Variants in GTF3C5 observed in about 807,000 individuals in gnomAD.
The protein encoded by GTF3C5 is general transcription factor IIIC subunit 5.
A neutral mutation model predicts 61.0 loss-of-function variants in GTF3C5; 47 were observed. The observed-to-expected ratio is 0.77, with a 90% CI of 0.61 to 0.98. The LOEUF (loss-of-function observed/expected upper bound fraction) is 0.98. GTF3C5 is among the 50% of genes least tolerant of loss of function. The pLI is 0.00. For missense variants in GTF3C5, 659 were observed against 703.3 expected, an observed-to-expected ratio of 0.94 and a Z score of 0.71; for synonymous variants, 295 against 275.4, an observed-to-expected ratio of 1.07 and a Z score of -0.71.
Position 133,055,543 on chromosome 9 carries a change from T to C in GTF3C5, c.1168-469T>C, listed in dbSNP as rs867576148. The C allele has an allele frequency of 3.6e-5, 35 of 985,278 alleles. No individual in the cohort carries two copies. In the South Asian group the frequency reaches 1.4e-3, roughly 38 times the overall value. 61.0% of individuals were successfully genotyped at this position (985,278 alleles called of 1,614,324 possible). On this transcript the variant is annotated intron_variant, in intron 8 of 10. Coordinates refer to ENST00000372097, the MANE Select transcript of GTF3C5 (RefSeq NM_012087.4). ...TCCTAGGAGGCCGTTATCCTTACTC[T>C]AGAACTACATGGCTGGGTACGGAAA...
At chr9:133,036,763 A>G (rs968369730) in intron 1 of GTF3C5, among the ~76,000 whole-genome samples, 6 of 152,148 alleles carry the variant, frequency 3.9e-5, no homozygotes, top group African/African-American at 1.4e-4. Context: ...GCAATATCCA[A>G]CCAATCCTAG....
chr9:133,042,923 T>C (rs1164929998), intron 2 of GTF3C5, among the ~76,000 whole-genome samples: 1 of 152,220 alleles, frequency 6.6e-6, no homozygotes, highest in Non-Finnish European at 1.5e-5. Flanking sequence ...CTACAGAGCC[T>C]GCGTTCCTTA....
chr9:133,044,158 A>AG (rs776458395), intron 3 of GTF3C5: 1 of 528,004 alleles, frequency 1.9e-6, no homozygotes, highest in East Asian at 3.2e-5. Flanking sequence ...AAAAAAAAAA[A>AG]AAAAAAAAAA....
intron 3 of GTF3C5, among the ~76,000 whole-genome samples, chr9:133,049,730 C>A (rs1351227139): frequency 6.6e-6 from 1 of 152,172 alleles, no homozygotes; most frequent in African/African-American, 2.4e-5. Context: ...TGCCAACATA[C>A]AGAGGTAGTT....
upstream of GTF3C5, chr9:133,030,728 C>T (rs1317877441): frequency 3.6e-6 from 2 of 549,878 alleles, no homozygotes; most frequent in African/African-American, 1.9e-5. Flanking sequence ...CCTCCGGGTC[C>T]CTCGCTGGCT....
chr9:133,034,923 C>T (rs1409108006), intron 1 of GTF3C5, among the ~76,000 whole-genome samples: 1 of 152,132 alleles, frequency 6.6e-6, no homozygotes, highest in Non-Finnish European at 1.5e-5. Context: ...AACATCTTTC[C>T]AAGGGGCAGT....
intron 3 of GTF3C5, among the ~76,000 whole-genome samples, chr9:133,046,529 G>A (rs973814139): frequency 2.0e-5 from 3 of 152,190 alleles, no homozygotes; most frequent in Non-Finnish European, 2.9e-5. Flanking sequence ...CTTTGAAGGG[G>A]TGGGAGGGCT....
chr9:133,031,078 C>T lies in GTF3C5; in HGVS notation c.67C>T (p.Arg23Cys). ...AVPVELRRER[R>C]MVCVEYPGVV... is the part of the protein sequence containing the mutation. ...CCCCGTGGAGCTGAGGCGGGAGCGA[C>T]GCATGGTGTGCGTGGAGTACCCGGG... is the stretch of plus-strand genomic sequence containing the variant. The change falls in exon 1 of 11, where the codon CGC (arginine) becomes TGC (cysteine). Residue 23 changes from arginine to cysteine, a missense_variant. Physicochemically the swap from Arg to Cys is radical, Grantham distance 180. Coordinates refer to ENST00000372097, the MANE Select transcript of GTF3C5 (RefSeq NM_012087.4). The T allele has an allele frequency of 6.2e-7, 1 of 1,610,334 alleles. No homozygotes were observed. The highest frequency in any genetic ancestry group is 8.5e-7 in the Non-Finnish European group (1 of 1,178,142).
At chr9:133,046,840 C>G (rs956957128) in intron 3 of GTF3C5, among the ~76,000 whole-genome samples, 6 of 152,090 alleles carry the variant, frequency 3.9e-5, no homozygotes, top group Non-Finnish European at 8.8e-5. Context: ...ACTTTCCAGA[C>G]CAGGGGATTG....
In GTF3C5 at chr9:133,054,011, T is replaced by C. The variant is rs1829840301; in HGVS notation, c.988+69T>C. ...TATCTTTCAGTTTCTAGCATTCTCTTTTGTAGTAAGAATCTTTTCATTTGG... is the reference window on the plus strand; with the variant it reads ...TATCTTTCAGTTTCTAGCATTCTCTCTTGTAGTAAGAATCTTTTCATTTGG... On this transcript the variant is annotated intron_variant, in intron 6 of 10. Coordinates refer to ENST00000372097, the MANE Select transcript of GTF3C5 (RefSeq NM_012087.4). The C allele has an allele frequency of 5.0e-6, 5 of 990,214 alleles. No individual in the cohort carries two copies. In the East Asian group the frequency reaches 1.2e-4, roughly 24 times the overall value. The allele number at this position is 990,214 out of a possible 1,614,324, so 61.3% of individuals were successfully genotyped here. A position where few individuals can be genotyped will look rare whatever the true frequency, so the allele number is the denominator to read the frequency against.
rs760223985 is a variant in GTF3C5 at position 133,054,701 on chromosome 9, T to G, written c.1070-11T>G. The stretch of plus-strand genomic sequence containing the variant: ...CTGCACATTCCAAGCACTGCTGTTG[T>G]CCCCACGCAGCCAGCCAGCTTGTCA... On this transcript the variant is annotated splice_polypyrimidine_tract_variant and intron_variant, in intron 7 of 10. Coordinates refer to ENST00000372097, the MANE Select transcript of GTF3C5 (RefSeq NM_012087.4). The G allele has an allele frequency of 6.4e-7, 1 of 1,558,060 alleles. No individual in the cohort carries two copies. The highest frequency in any genetic ancestry group is 1.2e-5 in the South Asian group (1 of 84,608).
At chr9:133,048,128 T>A (rs1005708695) in intron 3 of GTF3C5, among the ~76,000 whole-genome samples, 2 of 142,838 alleles carry the variant, frequency 1.4e-5, no homozygotes, top group East Asian at 2.1e-4. Flanking sequence ...GACCGTGTTT[T>A]AAAAAAAAAA....
At chr9:133,051,171 G>A (rs1040671097) in intron 4 of GTF3C5, among the ~76,000 whole-genome samples, 193 bp downstream of exon 4, 1 of 152,236 alleles carries the variant, frequency 6.6e-6, no homozygotes, top group Non-Finnish European at 1.5e-5. Context: ...ACATTCCCAA[G>A]GTTGAAAATG....
chr9:133,044,000 C>A, intron 3 of GTF3C5, 74 bp downstream of exon 3: 1 of 1,105,220 alleles, frequency 9.0e-7, no homozygotes, highest in Non-Finnish European at 1.3e-6. Flanking sequence ...GGCTCACACA[C>A]TGGGCGTGGT....
intron 1 of GTF3C5, among the ~76,000 whole-genome samples, 180 bp from the exon 2 acceptor site, chr9:133,041,907 T>C (rs1850050340): frequency 6.6e-6 from 1 of 152,112 alleles, no homozygotes; most frequent in Non-Finnish European, 1.5e-5. Flanking sequence ...TTCCACCAGA[T>C]AAAAACTAAG....
chr9:133,035,699 G>T (rs1456386371), intron 1 of GTF3C5, among the ~76,000 whole-genome samples: 1 of 152,160 alleles, frequency 6.6e-6, no homozygotes, highest in East Asian at 1.9e-4. Flanking sequence ...TGAAAAGTGA[G>T]CGTTTTGAGG....
chr9:133,046,834 T>G (rs188488602), intron 3 of GTF3C5, among the ~76,000 whole-genome samples: 2 of 152,156 alleles, frequency 1.3e-5, no homozygotes, highest in East Asian at 1.9e-4. Flanking sequence ...GGGAGAACTT[T>G]CCAGACCAGG....
rs181993108 is a variant in GTF3C5, at chr9:133,039,308, G to A, written c.154-2779G>A. 3.0e-3 allele frequency among the ~76,000 whole-genome samples: 459 copies of A among 151,564 alleles called. 2 individuals carry two copies. Among genetic ancestry groups the A allele is most frequent in the African/African-American group, 0.011 (436 of 41,366 alleles). On this transcript the variant is annotated intron_variant, in intron 1 of 10. Coordinates refer to ENST00000372097, the MANE Select transcript of GTF3C5 (RefSeq NM_012087.4). Reference sequence around the variant, plus strand: ...ACATATAAAACATTTAAGAAAAAAGGAAAAAAAAATTTACTGTCTCTCGTC... The same window carrying A: ...ACATATAAAACATTTAAGAAAAAAGAAAAAAAAAATTTACTGTCTCTCGTC...
chr9:133,055,217 T>C, intron 8 of GTF3C5: 1 of 1,514,724 alleles, frequency 6.6e-7, no homozygotes, highest in Non-Finnish European at 8.8e-7. Flanking sequence ...TGGCTCACGT[T>C]TCCGTCAGTG....
Sources: gnomAD v4.1 joint callset for allele counts (sites outside exome capture counted in the v4.1 genomes callset) on GRCh38, gnomAD v4.1.1 for gene constraint, MANE v1.5 for transcripts, NCBI Gene and HGNC (gene_info 2026-07-23, HGNC 2026-07-21) for gene names.